Variants in WWP2 observed in about 807,000 individuals in gnomAD.
WWP2 encodes NEDD4-like E3 ubiquitin-protein ligase WWP2.
Under a neutral mutation model 121.0 loss-of-function variants are expected in WWP2, and 57 were observed. The ratio of observed to expected loss-of-function variants is 0.47; its 90% CI spans 0.38 to 0.59. The LOEUF is 0.59. Ranked by LOEUF, WWP2 falls within the 20% of genes least tolerant of loss-of-function variation. The pLI is 0.00. For missense variants in WWP2, 962 were observed against 1,158.9 expected, an observed-to-expected ratio of 0.83 and a Z score of 2.47; for synonymous variants, 449 against 441.3, an observed-to-expected ratio of 1.02 and a Z score of -0.22.
intron 4 of WWP2, among the ~76,000 whole-genome samples, chr16:69,808,239 A>T (rs182842134): frequency 6.6e-6 from 1 of 151,244 alleles, no homozygotes; most frequent in African/African-American, 2.4e-5. Flanking sequence ...GAGATTAAAG[A>T]TATATGACCT....
intron 2 of WWP2, among the ~76,000 whole-genome samples, chr16:69,789,038 A>T (rs543266819): frequency 6.6e-6 from 1 of 152,212 alleles, no homozygotes; most frequent in African/African-American, 2.4e-5. Context: ...CATGGAGTTT[A>T]AAAATCTTAG....
At chr16:69,939,289 T>A (rs1259009403) in intron 22 of WWP2, 52 bp from the exon 23 acceptor site, 2 of 1,609,858 alleles carry the variant, frequency 1.2e-6, no homozygotes, top group Non-Finnish European at 1.7e-6. Flanking sequence ...AGGATCCTGC[T>A]TTGGGAAGGG....
At chr16:69,833,820 C>G (rs560657012) in intron 4 of WWP2, among the ~76,000 whole-genome samples, 2 of 152,216 alleles carry the variant, frequency 1.3e-5, no homozygotes, top group East Asian at 3.9e-4. Flanking sequence ...TGTTTGCAGC[C>G]CCTGCCTGTG....
rs557898091 is a variant in WWP2 at position 69,909,344 on chromosome 16, A to C, written c.1004+494A>C. 1.3e-4 allele frequency: 130 copies of C among 986,262 alleles called. 1 individual carries two copies. The highest frequency in any genetic ancestry group is 1.2e-3 in the African/African-American group (67 of 57,360). The allele number at this position is 986,262 out of a possible 1,614,324, so 61.1% of individuals were successfully genotyped here. Reference sequence around the variant, plus strand: ...GGGATGTATTCTGCTCCAAGAAAGAATCACCTCCCAGTAAAGTAGCCATGA... The same window carrying C: ...GGGATGTATTCTGCTCCAAGAAAGACTCACCTCCCAGTAAAGTAGCCATGA... On this transcript the variant is annotated intron_variant, in intron 9 of 23. Coordinates refer to ENST00000359154, the MANE Select transcript of WWP2 (RefSeq NM_001270454.2).
chr16:69,922,558 A>T (rs1024854841), intron 10 of WWP2, among the ~76,000 whole-genome samples: 2 of 151,828 alleles, frequency 1.3e-5, no homozygotes, highest in East Asian at 3.9e-4. Flanking sequence ...GCTTTCCCCC[A>T]TCTCCATCCT....
chr16:69,802,903 C>T (rs1304659516), intron 4 of WWP2, among the ~76,000 whole-genome samples: 1 of 152,048 alleles, frequency 6.6e-6, no homozygotes, highest in East Asian at 1.9e-4. Context: ...CCGCATCTGG[C>T]CCAAGATATC....
chr16:69,836,740 A>G (rs1001990350), intron 4 of WWP2, among the ~76,000 whole-genome samples: 4 of 152,054 alleles, frequency 2.6e-5, no homozygotes, highest in African/African-American at 9.7e-5. Flanking sequence ...TCAGCCTCCC[A>G]GGTAGTGGGG....
At chr16:69,784,172 G>A (rs753472180) in intron 1 of WWP2, among the ~76,000 whole-genome samples, 7 of 136,300 alleles carry the variant, frequency 5.1e-5, no homozygotes, top group African/African-American at 1.9e-4. Flanking sequence ...TGATCTCGGC[G>A]CACTGCAACC....
intron 9 of WWP2, chr16:69,909,810 T>C (rs1362482025): frequency 1.5e-6 from 1 of 647,446 alleles, no homozygotes; most frequent in Non-Finnish European, 1.9e-6. Context: ...GAGAGAATAA[T>C]GTTACAAACC....
intron 2 of WWP2, among the ~76,000 whole-genome samples, chr16:69,791,782 A>G (rs748585763): frequency 4.6e-5 from 7 of 152,002 alleles, no homozygotes; most frequent in Non-Finnish European, 1.0e-4. Context: ...GGCCTCTTAA[A>G]GTGCTGGGAT....
At chr16:69,785,122 A>G (rs1370488070) in intron 1 of WWP2, among the ~76,000 whole-genome samples, 1 of 151,746 alleles carries the variant, frequency 6.6e-6, no homozygotes, top group Non-Finnish European at 1.5e-5. Context: ...AATTCCAGCT[A>G]CCCATGAGGC....
chr16:69,870,335 C>G (rs964917065), intron 6 of WWP2, among the ~76,000 whole-genome samples: 2 of 141,848 alleles, frequency 1.4e-5, no homozygotes, highest in Admixed American at 7.3e-5. Context: ...CTCACTCACT[C>G]TGTCACCCAG....
rs1237805022 is a variant in WWP2 at position 69,925,255 on chromosome 16, C to CA, written c.1180-169dup. ...TTTGGTTTTTCTGTAAAAATCAAAA[C>CA]AAAAAACAGAGACTTTTGAGAGGAG... On this transcript the variant is annotated intron_variant, in intron 10 of 23. Transcript: ENST00000359154. This position sits in a 1 kb window ranked among gnomAD's most constrained non-coding sequence, Gnocchi z 4.0. 10 of 1,435,670 alleles carry CA rather than the reference C, an allele frequency of 7.0e-6. No homozygotes were observed. Among genetic ancestry groups the CA allele is most frequent in the South Asian group, 1.7e-5 (1 of 59,488 alleles). 88.9% of individuals were successfully genotyped at this position (1,435,670 alleles called of 1,614,324 possible).
At chr16:69,778,217 A>G (rs1359684770) in intron 1 of WWP2, among the ~76,000 whole-genome samples, 2 of 140,714 alleles carry the variant, frequency 1.4e-5, no homozygotes, top group Non-Finnish European at 3.0e-5. Context: ...AGAAATTTCA[A>G]TAGATCTACC....
intron 9 of WWP2, among the ~76,000 whole-genome samples, chr16:69,912,767 G>A (rs551444919): frequency 8.7e-5 from 13 of 149,760 alleles, no homozygotes; most frequent in Non-Finnish European, 1.6e-4. Context: ...GAACACAGCT[G>A]GGCACGGTGG....
intron 6 of WWP2, among the ~76,000 whole-genome samples, chr16:69,856,525 C>T (rs946658959): frequency 3.3e-5 from 5 of 152,026 alleles, no homozygotes; most frequent in African/African-American, 1.2e-4. Flanking sequence ...GCCTGTAATC[C>T]CAGCACTGTG....
intron 1 of WWP2, chr16:69,783,005 TG>T (rs2055697310): frequency 6.8e-6 from 1 of 146,320 alleles, no homozygotes; most frequent in Non-Finnish European, 1.5e-5. Context: ...GAAGGGCTTT[TG>T]TCCTTTTTTT....
At chr16:69,796,966 G>T (rs2151810292) in intron 2 of WWP2, among the ~76,000 whole-genome samples, 2 of 152,364 alleles carry the variant, frequency 1.3e-5, no homozygotes, top group East Asian at 3.9e-4. Context: ...AAGAGTCTGG[G>T]AGGGAGGGAT....
chr16:69,861,566 G>A (rs758279296), intron 6 of WWP2, among the ~76,000 whole-genome samples: 3 of 152,092 alleles, frequency 2.0e-5, no homozygotes, highest in Admixed American at 6.5e-5. Context: ...CGTAAATTGC[G>A]CTTGCAGTGA....
Sources: allele counts gnomAD v4.1 joint callset (sites outside exome capture counted in the v4.1 genomes callset), GRCh38; gene constraint gnomAD v4.1.1; non-coding constraint Gnocchi (gnomAD v3.1); transcripts MANE v1.5; gene names NCBI Gene and HGNC (gene_info 2026-07-23, HGNC 2026-07-21).